The following CORIN variants were observed in gnomAD, a reference collection of about 807,000 sequenced individuals.
CORIN encodes corin, serine peptidase.
A neutral mutation model predicts 125.3 loss-of-function variants in CORIN; 117 were observed. The ratio of observed to expected loss-of-function variants is 0.93; its 90% CI spans 0.80 to 1.09. The LOEUF (loss-of-function observed/expected upper bound fraction) is 1.09. CORIN is among the 50% of genes least tolerant of loss of function. The pLI is 0.00. For synonymous variants in CORIN, 450 were observed against 466.4 expected (o/e 0.96, Z 0.45); for missense variants, 1,253 against 1,306.7 (o/e 0.96, Z 0.63).
chr4:47,676,801 G>C (rs1171444549), intron 9 of CORIN, among the ~76,000 whole-genome samples: 1 of 152,188 alleles, frequency 6.6e-6, no homozygotes, highest in Non-Finnish European at 1.5e-5. Flanking sequence ...AATTATTTCA[G>C]AGTTGAATTA....
intron 5 of CORIN, among the ~76,000 whole-genome samples, chr4:47,713,892 T>C (rs1363911621): frequency 6.6e-6 from 1 of 152,094 alleles, no homozygotes; most frequent in Non-Finnish European, 1.5e-5. Flanking sequence ...ACCACTTTTG[T>C]TTTTTTGCTT....
chr4:47,740,708 C>G (rs1050987768), intron 5 of CORIN, among the ~76,000 whole-genome samples: 1 of 151,876 alleles, frequency 6.6e-6, no homozygotes, highest in African/African-American at 2.4e-5. Flanking sequence ...AGTATGCACA[C>G]TTCATAATTT....
intron 4 of CORIN, among the ~76,000 whole-genome samples, chr4:47,759,166 A>G (rs1273689355): frequency 2.0e-5 from 3 of 152,232 alleles, no homozygotes; most frequent in Non-Finnish European, 4.4e-5. Context: ...GAAACTGCCT[A>G]TCAACATGCA....
chr4:47,632,539 CA>C (rs1345346916), intron 16 of CORIN: 1 of 152,098 alleles, frequency 6.6e-6, no homozygotes, highest in African/African-American at 2.4e-5. Context: ...AGGTTTCAAA[CA>C]AAACATGAAT....
Position 47,820,579 on chromosome 4 carries a change from T to C in CORIN, c.64-13532A>G, listed in dbSNP as rs1399016484. ...CAGCAAGTGTAGAATTCCCAAGCTGTGAAATTAATATAAAAGTAGATCTCA... is the reference window on the plus strand; with the variant it reads ...CAGCAAGTGTAGAATTCCCAAGCTGCGAAATTAATATAAAAGTAGATCTCA... On this transcript the variant is annotated intron_variant, in intron 1 of 21. Transcript: ENST00000273857. Among the ~76,000 whole-genome samples the C allele has an allele frequency of 2.6e-5, 4 of 152,100 alleles. No homozygotes were observed. The East Asian group carries it at 7.7e-4, about 29-fold the overall frequency.
chr4:47,740,549 C>G (rs1728340398), intron 5 of CORIN, among the ~76,000 whole-genome samples: 1 of 151,840 alleles, frequency 6.6e-6, no homozygotes, highest in Non-Finnish European at 1.5e-5. Context: ...CATTCCAGCT[C>G]TTTTAGCAAA....
chr4:47,659,002 C>T (rs1257536726), intron 12 of CORIN, among the ~76,000 whole-genome samples: 1 of 152,132 alleles, frequency 6.6e-6, no homozygotes, highest in African/African-American at 2.4e-5. Flanking sequence ...CATCAGATAC[C>T]CTAAATTTTC....
At chr4:47,688,867 T>C (rs530202227) in intron 6 of CORIN, among the ~76,000 whole-genome samples, 55 of 152,320 alleles carry the variant, frequency 3.6e-4, no homozygotes, top group African/African-American at 1.3e-3. Context: ...TTTTTTTATT[T>C]TTATAATTTT....
chr4:47,724,390 T>C lies in CORIN; in HGVS notation c.799+20012A>G, dbSNP rs567639574. 5.9e-5 allele frequency among the ~76,000 whole-genome samples: 9 copies of C among 152,138 alleles called. No homozygotes were observed. The East Asian group carries it at 1.7e-3, about 29-fold the overall frequency. On this transcript the variant is annotated intron_variant, in intron 5 of 21. Transcript: ENST00000273857. ...CATAACTTCAGGTACCTGCTGTATATTATCAAAAGGTCCAATATTGATGTC... is the reference window on the plus strand; with the variant it reads ...CATAACTTCAGGTACCTGCTGTATACTATCAAAAGGTCCAATATTGATGTC...
chr4:47,786,803 T>C lies in CORIN; in HGVS notation c.331A>G (p.Thr111Ala). ...TIYNQSTVVS[T>A]AHPDQHVPAW... ...GGAACGTGTTGGTCGGGATGTGCAG[T>C]AGACACCACAGTGCTCTGGTTATAA... Residue 111 changes from threonine to alanine, a missense_variant, in exon 3 of 22, where the codon ACT becomes GCT. Coordinates refer to ENST00000273857, the MANE Select transcript of CORIN (RefSeq NM_006587.4). 1 of 1,614,174 alleles carries C rather than the reference T, an allele frequency of 6.2e-7. No homozygotes were observed. Among genetic ancestry groups the C allele is most frequent in the Non-Finnish European group, 8.5e-7 (1 of 1,180,002 alleles).
chr4:47,714,069 C>T (rs945049107), intron 5 of CORIN, among the ~76,000 whole-genome samples: 1 of 152,068 alleles, frequency 6.6e-6, no homozygotes, highest in African/African-American at 2.4e-5. Context: ...GGTTCAAGCA[C>T]CAGCTCTGCC....
At chr4:47,753,206 G>A (rs1728984458) in intron 4 of CORIN, among the ~76,000 whole-genome samples, 1 of 152,076 alleles carries the variant, frequency 6.6e-6, no homozygotes, top group African/African-American at 2.4e-5. Flanking sequence ...AAAAGGGGTG[G>A]GGGTGTACGA....
rs1469214844 is a variant in CORIN, at chr4:47,674,290, T to C, written c.1357+103A>G. Reference sequence around the variant, plus strand: ...AAGAAAAAGAAAATAGGTAGGCTTTTTTGGAGGGATTCCAGACTTCAGTAT... The same window carrying C: ...AAGAAAAAGAAAATAGGTAGGCTTTCTTGGAGGGATTCCAGACTTCAGTAT... On this transcript the variant is annotated intron_variant, in intron 10 of 21. Coordinates refer to ENST00000273857, the MANE Select transcript of CORIN (RefSeq NM_006587.4). 53 of 826,466 alleles carry C rather than the reference T, an allele frequency of 6.4e-5. 2 individuals carry two copies. The Admixed American group carries it at 1.1e-3, about 17-fold the overall frequency. The allele number at this position is 826,466 out of a possible 1,614,324, so 51.2% of individuals were successfully genotyped here. A position where few individuals can be genotyped will look rare whatever the true frequency, so the allele number is the denominator to read the frequency against.
intron 19 of CORIN, among the ~76,000 whole-genome samples, chr4:47,617,496 G>A (rs1050268275): frequency 2.0e-5 from 3 of 152,172 alleles, no homozygotes; most frequent in African/African-American, 7.2e-5. Flanking sequence ...GAGAGGAGAG[G>A]GTGACGGAAA....
At chr4:47,702,394 C>CTA (rs1360993295) in intron 5 of CORIN, among the ~76,000 whole-genome samples, 2 of 151,988 alleles carry the variant, frequency 1.3e-5, no homozygotes, top group African/African-American at 2.4e-5. Context: ...ATCTGAAAAG[C>CTA]TATATATATA....
intron 5 of CORIN, among the ~76,000 whole-genome samples, chr4:47,734,632 A>C (rs1277991839): frequency 2.0e-5 from 3 of 152,172 alleles, no homozygotes; most frequent in Non-Finnish European, 2.9e-5. Context: ...TAAAGGTAGG[A>C]AGTATGTTAA....
intron 1 of CORIN, among the ~76,000 whole-genome samples, chr4:47,820,976 C>T (rs1345023702): frequency 6.6e-6 from 1 of 152,156 alleles, no homozygotes; most frequent in African/African-American, 2.4e-5. Context: ...GTGGCTCACG[C>T]CTGTCATCCC....
chr4:47,676,718 T>C (rs1036728438), intron 9 of CORIN, among the ~76,000 whole-genome samples: 24 of 152,238 alleles, frequency 1.6e-4, no homozygotes, highest in African/African-American at 5.3e-4. Flanking sequence ...TGTTTTATCA[T>C]ATGACTTTCT....
At chr4:47,826,370 A>G (rs1194341918) in intron 1 of CORIN, among the ~76,000 whole-genome samples, 4 of 152,260 alleles carry the variant, frequency 2.6e-5, no homozygotes, top group Non-Finnish European at 5.9e-5. Context: ...GTTTAAAGCA[A>G]CACAAATTTA....
Sources: gnomAD v4.1 joint callset for allele counts (sites outside exome capture counted in the v4.1 genomes callset) on GRCh38, gnomAD v4.1.1 for gene constraint, MANE v1.5 for transcripts, NCBI Gene and HGNC (gene_info 2026-07-23, HGNC 2026-07-21) for gene names.